The following MTUS2 variants were observed in gnomAD, a reference collection of about 807,000 sequenced individuals.
MTUS2 encodes microtubule-associated tumor suppressor candidate 2.
Under a neutral mutation model 114.1 loss-of-function variants are expected in MTUS2, and 40 were observed. That is an observed-to-expected ratio of 0.35 (90% CI 0.27 to 0.46). The LOEUF (loss-of-function observed/expected upper bound fraction) is 0.46. Among genes scored for constraint, MTUS2 ranks in the 20% least tolerant of loss-of-function variants. MTUS2 has a pLI of 1.00. For missense variants in MTUS2, 1,679 were observed against 1,705.4 expected (o/e 0.98, Z 0.27); for synonymous variants, 688 against 672.0 (o/e 1.02, Z -0.37).
chr13:28,952,732 C>G (rs753673100), intron 2 of MTUS2, among the ~76,000 whole-genome samples: 4 of 152,152 alleles, frequency 2.6e-5, no homozygotes, highest in African/African-American at 7.2e-5. Flanking sequence ...TTTCATTAAA[C>G]AAAACTTCGT....
intron 5 of MTUS2, among the ~76,000 whole-genome samples, chr13:29,126,375 T>C (rs1404416142): frequency 6.6e-6 from 1 of 152,196 alleles, no homozygotes; most frequent in East Asian, 1.9e-4. Context: ...CTCGCCTCAT[T>C]TTCCACAGTG....
chr13:29,271,431 C>T (rs1897878273), intron 5 of MTUS2, among the ~76,000 whole-genome samples: 1 of 152,170 alleles, frequency 6.6e-6, no homozygotes. Flanking sequence ...TTACTCATGC[C>T]ATCCCTTCTC....
chr13:28,986,278 G>T (rs561933986), intron 2 of MTUS2, among the ~76,000 whole-genome samples: 2 of 152,158 alleles, frequency 1.3e-5, no homozygotes, highest in Non-Finnish European at 2.9e-5. Context: ...TACACATCTG[G>T]ATGACAGTGG....
chr13:28,868,092 T>C (rs1252005239), intron 2 of MTUS2, among the ~76,000 whole-genome samples: 3 of 152,200 alleles, frequency 2.0e-5, no homozygotes, highest in Non-Finnish European at 4.4e-5. Context: ...ATGAAGGGAT[T>C]ACAGGGCTGC....
At chr13:29,401,418 G>A (rs757883704) in intron 8 of MTUS2, among the ~76,000 whole-genome samples, 1 of 152,128 alleles carries the variant, frequency 6.6e-6, no homozygotes, top group African/African-American at 2.4e-5. Context: ...TTATGGGTTT[G>A]ATTCATACTT....
At chr13:29,439,163 A>G (rs1377234002) in intron 8 of MTUS2, among the ~76,000 whole-genome samples, 1 of 152,246 alleles carries the variant, frequency 6.6e-6, no homozygotes, top group Admixed American at 6.5e-5. Flanking sequence ...TAGTTTTGGT[A>G]TCTCAAACTT....
At chr13:29,460,468 G>A (rs76974272) in intron 9 of MTUS2, among the ~76,000 whole-genome samples, 1 of 152,112 alleles carries the variant, frequency 6.6e-6, no homozygotes, top group African/African-American at 2.4e-5. Flanking sequence ...CTCCTGACAG[G>A]CTGGGCATTC....
intron 2 of MTUS2, among the ~76,000 whole-genome samples, chr13:29,009,941 G>A (rs1294713891): frequency 6.6e-6 from 1 of 152,150 alleles, no homozygotes; most frequent in Non-Finnish European, 1.5e-5. Context: ...GCCAGGCACG[G>A]TGGCTCACTC....
intron 7 of MTUS2, among the ~76,000 whole-genome samples, chr13:29,345,941 C>T: frequency 6.6e-6 from 1 of 151,954 alleles, no homozygotes; most frequent in African/African-American, 2.4e-5. Context: ...GGTCTAGCCA[C>T]CTAGCTGAGC....
chr13:29,480,042 C>A lies in MTUS2; in HGVS notation c.3185-108C>A. The stretch of plus-strand genomic sequence containing the variant: ...TGTAGCCCTGCAGAAGTCAGAGGAC[C>A]TCGCCCTGTTTATTACGCCAGCCTT... On this transcript the variant is annotated intron_variant, in intron 9 of 15. Coordinates refer to ENST00000612955, the MANE Select transcript of MTUS2 (RefSeq NM_001033602.4). This position sits in a 1 kb window ranked among gnomAD's most constrained non-coding sequence, Gnocchi z 4.4. The A allele has an allele frequency of 8.9e-7, 1 of 1,128,534 alleles. No homozygotes were observed. Among genetic ancestry groups the A allele is most frequent in the Non-Finnish European group, 1.3e-6 (1 of 787,164 alleles). The allele number at this position is 1,128,534 out of a possible 1,614,324, so 69.9% of individuals were successfully genotyped here.
chr13:29,047,207 A>G (rs776751349), intron 4 of MTUS2, among the ~76,000 whole-genome samples: 9 of 152,174 alleles, frequency 5.9e-5, no homozygotes, highest in Non-Finnish European at 1.0e-4. Flanking sequence ...AAATTATACA[A>G]CTTCTCTCTC....
chr13:28,979,336 A>C (rs769531502), intron 2 of MTUS2, among the ~76,000 whole-genome samples: 18 of 152,182 alleles, frequency 1.2e-4, no homozygotes, highest in Non-Finnish European at 2.2e-4. Context: ...TATTTTTCAG[A>C]AATCATTGTT....
chr13:29,357,127 T>A (rs1056635412), intron 7 of MTUS2, among the ~76,000 whole-genome samples: 5 of 152,202 alleles, frequency 3.3e-5, no homozygotes, highest in African/African-American at 1.2e-4. Context: ...AGAATTTCAC[T>A]GAATCCTTTT....
chr13:28,982,306 A>G (rs1884392948), intron 2 of MTUS2, among the ~76,000 whole-genome samples: 1 of 152,030 alleles, frequency 6.6e-6, no homozygotes, highest in Non-Finnish European at 1.5e-5. Context: ...ATCAAAGCAC[A>G]GTGAGCTACT....
chr13:29,386,561 C>T (rs1328556230), intron 8 of MTUS2, among the ~76,000 whole-genome samples: 2 of 152,158 alleles, frequency 1.3e-5, no homozygotes, highest in African/African-American at 2.4e-5. Context: ...GGAAGACATG[C>T]CTCAAGGAGG....
intron 5 of MTUS2, among the ~76,000 whole-genome samples, chr13:29,236,699 T>G (rs986064132): frequency 2.0e-5 from 3 of 152,176 alleles, no homozygotes; most frequent in African/African-American, 7.2e-5. Context: ...CCAGCTCGTC[T>G]AGGCCATGGA....
At chr13:29,223,686 A>G (rs1263141948) in intron 5 of MTUS2, among the ~76,000 whole-genome samples, 1 of 152,202 alleles carries the variant, frequency 6.6e-6, no homozygotes. Flanking sequence ...GGCCAAAAGA[A>G]CTGTAACACA....
intron 5 of MTUS2, among the ~76,000 whole-genome samples, chr13:29,105,740 G>A (rs763452646): frequency 2.0e-5 from 3 of 151,038 alleles, no homozygotes; most frequent in African/African-American, 4.9e-5. Context: ...GCTGACGTTC[G>A]CATAAATAAT....
chr13:29,024,856 C>G lies in MTUS2; in HGVS notation c.158C>G (p.Thr53Arg), dbSNP rs1349488429. The G allele has an allele frequency of 4.3e-6, 7 of 1,613,848 alleles. No homozygotes were observed. Among genetic ancestry groups the G allele is most frequent in the Non-Finnish European group, 5.9e-6 (7 of 1,179,890 alleles). The change falls in exon 3 of 16, where the codon ACA becomes AGA. Residue 53 changes from threonine (T) to arginine (R), a missense_variant. By Grantham distance (71) the Thr-to-Arg change is moderately conservative. Around this residue, in one of 3 missense-constraint regions of MTUS2, gnomAD observed 843 missense variants for 770.8 expected, o/e 1.09. Transcript: ENST00000612955. ...EVSSSHDESK[T>R]CDLGDEIGNT... ...AGCTCCTCTCATGACGAGTCCAAGA[C>G]ATGTGACCTGGGAGATGAAATTGGA...
Sources: gnomAD v4.1 joint callset for allele counts (sites outside exome capture counted in the v4.1 genomes callset) on GRCh38, gnomAD v4.1.1 for gene constraint, gnomAD v4.1.1 regional missense constraint, Gnocchi (gnomAD v3.1) non-coding constraint, MANE v1.5 for transcripts, NCBI Gene and HGNC (gene_info 2026-07-23, HGNC 2026-07-21) for gene names.